Variants in CYB5R4 observed in about 807,000 individuals in gnomAD.
CYB5R4 encodes cytochrome b5 reductase 4.
In CYB5R4, 55 loss-of-function variants were observed where a neutral mutation model predicts 70.2. That is an observed-to-expected ratio of 0.78 (90% CI 0.63 to 0.98). The LOEUF (loss-of-function observed/expected upper bound fraction) is 0.98, where lower values mean the gene tolerates loss of function less well. Among genes scored for constraint, CYB5R4 ranks in the 50% least tolerant of loss-of-function variants. CYB5R4 has a pLI of 0.00. For missense variants in CYB5R4, 562 were observed against 612.6 expected (o/e 0.92, Z 0.87); for synonymous variants, 197 against 199.5 (o/e 0.99, Z 0.11).
At chr6:83,921,010 T>A (rs897858016) in intron 7 of CYB5R4, 72 bp from the exon 8 acceptor site, 3 of 1,179,940 alleles carry the variant, frequency 2.5e-6, no homozygotes, top group Non-Finnish European at 3.4e-6. Context: ...CAGATCACCT[T>A]AAAAGTATAG....
At chr6:83,939,072 G>T (rs1018558606) in intron 12 of CYB5R4, among the ~76,000 whole-genome samples, 1 of 151,990 alleles carries the variant, frequency 6.6e-6, no homozygotes, top group African/African-American at 2.4e-5. Flanking sequence ...CCGACCTCAG[G>T]TGATCCACCT....
At chr6:83,877,240 C>G (rs2099458711) in intron 2 of CYB5R4, among the ~76,000 whole-genome samples, 1 of 152,118 alleles carries the variant, frequency 6.6e-6, no homozygotes, top group Non-Finnish European at 1.5e-5. Context: ...ATTGAGCATA[C>G]ATTTCTAGAT....
chr6:83,929,208 A>T (rs1001499395), intron 10 of CYB5R4, among the ~76,000 whole-genome samples: 6 of 152,182 alleles, frequency 3.9e-5, no homozygotes, highest in Non-Finnish European at 8.8e-5. Context: ...ACATCAGCAA[A>T]GTATTATAAT....
At chr6:83,882,586 G>C (rs1169302197) in intron 2 of CYB5R4, among the ~76,000 whole-genome samples, 1 of 152,126 alleles carries the variant, frequency 6.6e-6, no homozygotes, top group Non-Finnish European at 1.5e-5. Flanking sequence ...ATACTCAAGA[G>C]AAAAGGCAGT....
intron 2 of CYB5R4, among the ~76,000 whole-genome samples, chr6:83,867,428 G>T (rs2099456906): frequency 1.3e-5 from 2 of 152,212 alleles, no homozygotes; most frequent in South Asian, 4.1e-4. Context: ...TCCTCATATA[G>T]ATGGCAGTGT....
chr6:83,922,295 T>C lies in CYB5R4; in HGVS notation c.659-143T>C. 3 of 549,822 alleles carry C rather than the reference T, an allele frequency of 5.5e-6. No homozygotes were observed. In the South Asian group the frequency reaches 8.8e-5, roughly 16 times the overall value. The allele number at this position is 549,822 out of a possible 1,614,324, so 34.1% of individuals were successfully genotyped here. A position where few individuals can be genotyped will look rare whatever the true frequency, so the allele number is the denominator to read the frequency against. On this transcript the variant is annotated intron_variant, in intron 8 of 15. Transcript: ENST00000369681. ...GATTTGATTCTTTATTTTGATTGTGTAAAATTGTTTTGGTCTTTCAGAACA... is the reference window on the plus strand; with the variant it reads ...GATTTGATTCTTTATTTTGATTGTGCAAAATTGTTTTGGTCTTTCAGAACA...
intron 10 of CYB5R4, among the ~76,000 whole-genome samples, chr6:83,931,576 C>G (rs1486783388): frequency 6.6e-6 from 1 of 152,086 alleles, no homozygotes; most frequent in East Asian, 1.9e-4. Context: ...CCCTGAGTAT[C>G]TCAATATTAA....
At chr6:83,867,663 C>G (rs138240258) in intron 2 of CYB5R4, among the ~76,000 whole-genome samples, 14 of 152,288 alleles carry the variant, frequency 9.2e-5, no homozygotes, top group African/African-American at 3.4e-4. Context: ...AGCACGATCC[C>G]AATGAAACTA....
intron 9 of CYB5R4, 54 bp downstream of exon 9, chr6:83,922,524 C>CAG (rs1238495762): frequency 1.0e-5 from 13 of 1,253,650 alleles, no homozygotes; most frequent in Admixed American, 4.1e-5. Flanking sequence ...CACATACCTA[C>CAG]AGAGAGAGAG....
At chr6:83,861,223 C>T (rs1260784624) in intron 1 of CYB5R4, among the ~76,000 whole-genome samples, 1 of 152,104 alleles carries the variant, frequency 6.6e-6, no homozygotes, top group African/African-American at 2.4e-5. Context: ...ACACAGGGGG[C>T]GATGGCAAAG....
chr6:83,924,380 G>T, intron 9 of CYB5R4, 90 bp from the exon 10 acceptor site: 6 of 1,334,334 alleles, frequency 4.5e-6, no homozygotes, highest in Non-Finnish European at 6.2e-6. Context: ...ATTAGATCAG[G>T]ACACTTGTAC....
chr6:83,942,139 G>A (rs907801689), intron 14 of CYB5R4, among the ~76,000 whole-genome samples: 1 of 152,150 alleles, frequency 6.6e-6, no homozygotes, highest in African/African-American at 2.4e-5. Context: ...TTCTGTTTTT[G>A]TAAGTAAATG....
At chr6:83,897,003 G>A (rs1265050628) in intron 3 of CYB5R4, among the ~76,000 whole-genome samples, 4 of 151,724 alleles carry the variant, frequency 2.6e-5, no homozygotes, top group African/African-American at 9.7e-5. Flanking sequence ...TTGGTGTGCT[G>A]CACCCATTAA....
intron 2 of CYB5R4, among the ~76,000 whole-genome samples, chr6:83,885,087 A>T (rs181310673): frequency 2.1e-3 from 325 of 152,314 alleles, no homozygotes; most frequent in Non-Finnish European, 4.1e-3. Flanking sequence ...GAATATTTTT[A>T]AAATAATTTT....
chr6:83,897,238 G>A (rs1162057548), intron 3 of CYB5R4, among the ~76,000 whole-genome samples: 6 of 152,062 alleles, frequency 3.9e-5, no homozygotes, highest in African/African-American at 1.4e-4. Context: ...AAGGACATGA[G>A]CTCATCCTTT....
chr6:83,889,581 T>C (rs993124948), intron 2 of CYB5R4, among the ~76,000 whole-genome samples: 1 of 152,222 alleles, frequency 6.6e-6, no homozygotes, highest in Non-Finnish European at 1.5e-5. Context: ...TTCAAATTAC[T>C]ACTCATTGAC....
At position 83,951,745 on chromosome 6, in the gene CYB5R4, C is replaced by T. The variant is rs374345024; in HGVS notation, c.1347-3553C>T. ...TGTGAATAGTGCTGCAATAAACATA[C>T]ATGTGCATGTGTCTTTATAGTAGAA... On this transcript the variant is annotated intron_variant, in intron 14 of 15. Coordinates refer to ENST00000369681, the MANE Select transcript of CYB5R4 (RefSeq NM_016230.4). Among the ~76,000 whole-genome samples the T allele has an allele frequency of 3.3e-5, 5 of 152,256 alleles. No homozygotes were observed. In the East Asian group the frequency reaches 5.8e-4, roughly 18 times the overall value.
intron 12 of CYB5R4, 76 bp downstream of exon 12, chr6:83,936,452 A>C (rs1369853527): frequency 7.7e-7 from 1 of 1,297,168 alleles, no homozygotes; most frequent in African/African-American, 1.5e-5. Context: ...ATCTCCATGT[A>C]GGAGTCTATC....
chr6:83,959,924 G>T lies in CYB5R4; in HGVS notation c.*46G>T. On this transcript the variant is annotated 3_prime_UTR_variant, in exon 16 of 16. Coordinates refer to ENST00000369681, the MANE Select transcript of CYB5R4 (RefSeq NM_016230.4). Reference sequence around the variant, plus strand: ...TTATTCAACTAGTTTATCTAAATTTGTGATTGCTTAGGGTTTTTTAAGAGA... The same window carrying T: ...TTATTCAACTAGTTTATCTAAATTTTTGATTGCTTAGGGTTTTTTAAGAGA... 1.4e-6 allele frequency: 2 copies of T among 1,465,494 alleles called. No individual in the cohort carries two copies. The highest frequency in any genetic ancestry group is 9.3e-7 in the Non-Finnish European group (1 of 1,081,024). 90.8% of individuals were successfully genotyped at this position (1,465,494 alleles called of 1,614,324 possible).
Sources: gnomAD v4.1 joint callset for allele counts (sites outside exome capture counted in the v4.1 genomes callset) on GRCh38, gnomAD v4.1.1 for gene constraint, MANE v1.5 for transcripts, NCBI Gene and HGNC (gene_info 2026-07-23, HGNC 2026-07-21) for gene names.